The following RBM47 variants were observed in gnomAD, a reference collection of about 807,000 sequenced individuals.
RBM47 encodes RNA-binding protein 47.
RBM47 carries 21 observed loss-of-function variants against 47.1 expected under a neutral mutation model. The observed-to-expected ratio is 0.45, with a 90% CI of 0.32 to 0.64. The LOEUF is 0.64. RBM47 is among the 30% of genes least tolerant of loss of function. The pLI, the probability that RBM47 is intolerant of heterozygous loss-of-function variation, is 0.05. For missense variants in RBM47, 708 were observed against 870.9 expected, an observed-to-expected ratio of 0.81 and a Z score of 2.35; for synonymous variants, 375 against 361.7, an observed-to-expected ratio of 1.04 and a Z score of -0.42.
At chr4:40,458,727 T>C (rs1420763947) in intron 3 of RBM47, among the ~76,000 whole-genome samples, 1 of 152,184 alleles carries the variant, frequency 6.6e-6, no homozygotes, top group East Asian at 1.9e-4. Context: ...TCAATGTTGT[T>C]CCACCTTTCC....
intron 4 of RBM47, chr4:40,436,852 GGCAA>G: frequency 1.4e-6 from 1 of 693,784 alleles, no homozygotes; most frequent in Non-Finnish European, 2.6e-6. Flanking sequence ...TAGTACAAGA[GGCAA>G]ACTTGCAGGG....
chr4:40,460,529 A>T (rs1296880007), intron 3 of RBM47, among the ~76,000 whole-genome samples: 1 of 152,130 alleles, frequency 6.6e-6, no homozygotes, highest in African/African-American at 2.4e-5. Context: ...ATGGGAATAG[A>T]CCGGGTGTGG....
intron 1 of RBM47, among the ~76,000 whole-genome samples, chr4:40,576,790 C>T (rs1228636359): frequency 6.6e-6 from 1 of 152,136 alleles, no homozygotes; most frequent in East Asian, 1.9e-4. Flanking sequence ...TTTAAATTCC[C>T]GTGTGGCAGG....
intron 1 of RBM47, among the ~76,000 whole-genome samples, chr4:40,614,385 A>G (rs1187178297): frequency 6.6e-6 from 1 of 152,168 alleles, no homozygotes. Context: ...CTTCTATCTA[A>G]TTTTAAAAGA....
chr4:40,521,340 A>G (rs916880579), intron 2 of RBM47, among the ~76,000 whole-genome samples: 3 of 152,106 alleles, frequency 2.0e-5, no homozygotes, highest in Admixed American at 6.6e-5. Context: ...AGCTGGGATT[A>G]CAGGCACCTG....
Position 40,456,615 on chromosome 4 carries a change from G to A in RBM47, c.-32+9962C>T, listed in dbSNP as rs182895710. On this transcript the variant is annotated intron_variant, in intron 3 of 6. Transcript: ENST00000295971. The stretch of plus-strand genomic sequence containing the variant: ...GACAAGGGCTCTGTCACCCAGGCTG[G>A]GGTGCAGTGGCATGATCACGGCTCA... Among the ~76,000 whole-genome samples the A allele has an allele frequency of 2.0e-3, 287 of 141,468 alleles. 2 individuals are homozygous for A. Among genetic ancestry groups the A allele is most frequent in the African/African-American group, 7.6e-3 (282 of 37,206 alleles). 92.8% of individuals were successfully genotyped at this position (141,468 alleles called of 152,430 possible).
At position 40,469,794 on chromosome 4, in the gene RBM47, C is replaced by T. The variant is rs573126818; in HGVS notation, c.-154-3095G>A. 1.5e-4 allele frequency among the ~76,000 whole-genome samples: 23 copies of T among 152,122 alleles called. 1 individual carries two copies. The highest frequency in any genetic ancestry group is 5.1e-4 in the African/African-American group (21 of 41,526). On this transcript the variant is annotated intron_variant, in intron 2 of 6. Transcript: ENST00000295971. ...CTTTTTATGATGTAGCACAAAACTACGTGAGACATTTTGTATTTTTAGTAG... is the reference window on the plus strand; with the variant it reads ...CTTTTTATGATGTAGCACAAAACTATGTGAGACATTTTGTATTTTTAGTAG...
At chr4:40,452,328 T>C (rs560988836) in intron 3 of RBM47, among the ~76,000 whole-genome samples, 4 of 152,088 alleles carry the variant, frequency 2.6e-5, no homozygotes, top group East Asian at 1.9e-4. Context: ...TGAAACCAGA[T>C]TGTGAAGGGT....
intron 1 of RBM47, among the ~76,000 whole-genome samples, chr4:40,602,381 C>T (rs1735361676): frequency 3.3e-5 from 5 of 151,512 alleles, no homozygotes; most frequent in Admixed American, 2.6e-4. Context: ...CGGGCGCGGT[C>T]GCTCACGCCT....
chr4:40,574,840 ACT>A (rs916024040), intron 1 of RBM47, among the ~76,000 whole-genome samples: 3 of 152,308 alleles, frequency 2.0e-5, no homozygotes, highest in Non-Finnish European at 2.9e-5. Context: ...ACAGAGTGAG[ACT>A]CTGTATCAAA....
intron 2 of RBM47, among the ~76,000 whole-genome samples, chr4:40,508,225 T>C (rs1724394431): frequency 6.6e-6 from 1 of 152,220 alleles, no homozygotes; most frequent in Non-Finnish European, 1.5e-5. Context: ...TGTAAAGTCA[T>C]AAAACTTTTC....
intron 2 of RBM47, among the ~76,000 whole-genome samples, chr4:40,523,341 G>T (rs1358336955): frequency 6.6e-6 from 1 of 151,856 alleles, no homozygotes; most frequent in African/African-American, 2.4e-5. Flanking sequence ...CCTGGCTTGG[G>T]CTCAGGAGTT....
At position 40,591,890 on chromosome 4, in the gene RBM47, T is replaced by C. The variant is rs867694859; in HGVS notation, c.-240+37506A>G. Among the ~76,000 whole-genome samples, 47 of 152,282 alleles carry C rather than the reference T, an allele frequency of 3.1e-4. No individual in the cohort carries two copies. In the Middle Eastern group the frequency reaches 0.017, roughly 55 times the overall value. ...GAAAGAGCACGTAATGCTCAGGAAC[T>C]GGCAAGAATTTGGTGGGAGGTAAAT... On this transcript the variant is annotated intron_variant, in intron 1 of 6. Transcript: ENST00000295971.
intron 2 of RBM47, among the ~76,000 whole-genome samples, chr4:40,523,034 C>T (rs916826663): frequency 6.8e-6 from 1 of 146,596 alleles, no homozygotes; most frequent in East Asian, 2.0e-4. Flanking sequence ...GGTATGATCT[C>T]GGCTCACTGC....
chr4:40,539,682 G>A (rs1728306465), intron 2 of RBM47, among the ~76,000 whole-genome samples: 1 of 129,264 alleles, frequency 7.7e-6, no homozygotes, highest in South Asian at 2.6e-4. Context: ...AGAGGTTGCA[G>A]TCAACCGAGA....
At chr4:40,578,567 T>A (rs1345031488) in intron 1 of RBM47, among the ~76,000 whole-genome samples, 3 of 152,224 alleles carry the variant, frequency 2.0e-5, no homozygotes, top group Non-Finnish European at 4.4e-5. Context: ...TCAGTGTTCT[T>A]AGCTTTTTCT....
rs1198741417 is a variant in RBM47, at chr4:40,558,524, CAAAAAAAA to C, written c.-239-14026_-239-14019del. Reference sequence around the variant, plus strand: ...TGAAACCCTGTCTCTATTAAAACTACAAAAAAAAAAAAAAAAAAATGGGCCAGACATGG... The same window carrying C: ...TGAAACCCTGTCTCTATTAAAACTACAAAAAAAAAAATGGGCCAGACATGG... On this transcript the variant is annotated intron_variant, in intron 1 of 6. Coordinates refer to ENST00000295971, the MANE Select transcript of RBM47 (RefSeq NM_001098634.2). 3.2e-5 allele frequency among the ~76,000 whole-genome samples: 3 copies of C among 92,646 alleles called. No homozygotes were observed. The Admixed American group carries it at 4.0e-4, about 12-fold the overall frequency. The allele number at this position is 92,646 out of a possible 152,430, so 60.8% of individuals were successfully genotyped here. A position where few individuals can be genotyped will look rare whatever the true frequency, so the allele number is the denominator to read the frequency against.
intron 2 of RBM47, among the ~76,000 whole-genome samples, chr4:40,481,574 C>T (rs550423224): frequency 9.2e-5 from 13 of 141,204 alleles, no homozygotes; most frequent in South Asian, 2.3e-4. Context: ...TTTTTTTTGA[C>T]GGAGTCTCGC....
At chr4:40,559,369 T>C (rs753478464) in intron 1 of RBM47, among the ~76,000 whole-genome samples, 19 of 152,236 alleles carry the variant, frequency 1.2e-4, no homozygotes, top group Non-Finnish European at 2.4e-4. Context: ...ATGTGGGTGT[T>C]ATTTCTACAA....
Sources: gnomAD v4.1 joint callset for allele counts (sites outside exome capture counted in the v4.1 genomes callset) on GRCh38, gnomAD v4.1.1 for gene constraint, MANE v1.5 for transcripts, NCBI Gene and HGNC (gene_info 2026-07-23, HGNC 2026-07-21) for gene names.